SHROOM4: variants seen among roughly 807,000 people sequenced by gnomAD.
The protein encoded by SHROOM4 is shroom family member 4.
In SHROOM4, 17 loss-of-function variants were observed where a neutral mutation model predicts 80.3. The observed-to-expected ratio is 0.21, with a 90% CI of 0.14 to 0.32. The LOEUF is 0.32. Among genes scored for constraint, SHROOM4 ranks in the 10% least tolerant of loss-of-function variants. The pLI is 1.00. For missense variants in SHROOM4, 993 were observed against 1,140.3 expected (o/e 0.87, Z 1.86); for synonymous variants, 400 against 437.5 (o/e 0.91, Z 1.07).
chrX:50,639,647 C>T (rs1401709245), intron 2 of SHROOM4, among the ~76,000 whole-genome samples: 1 of 111,599 alleles, frequency 9.0e-6, no homozygotes, highest in African/African-American at 3.3e-5. Flanking sequence ...GATAAAGCAG[C>T]TCTCTACCTC....
chrX:50,808,050 G>A (rs1219420208), intron 1 of SHROOM4, among the ~76,000 whole-genome samples: 2 of 111,558 alleles, frequency 1.8e-5, no homozygotes, highest in Admixed American at 1.9e-4. Flanking sequence ...TGCATCATGA[G>A]TGGGAGGAGG....
At chrX:50,720,364 A>T (rs1310222235) in intron 1 of SHROOM4, among the ~76,000 whole-genome samples, 1 of 111,722 alleles carries the variant, frequency 9.0e-6, no homozygotes, top group East Asian at 2.8e-4. Flanking sequence ...AGACAGGTAA[A>T]CAGGCCCCAG....
intron 5 of SHROOM4, among the ~76,000 whole-genome samples, chrX:50,624,605 C>A (rs1557252704): frequency 1.0e-5 from 1 of 98,256 alleles, no homozygotes; most frequent in Non-Finnish European, 2.1e-5. Context: ...TGTTTTTTAT[C>A]TTTTTATCTT....
chrX:50,752,381 G>A (rs1422623651), intron 1 of SHROOM4, among the ~76,000 whole-genome samples: 2 of 111,658 alleles, frequency 1.8e-5, no homozygotes, highest in South Asian at 3.8e-4. Context: ...ATTTGAGATG[G>A]CCACCTGCCT....
chrX:50,595,775 T>C lies in SHROOM4; in HGVS notation c.*920A>G. The C allele has an allele frequency of 3.2e-6, 1 of 309,495 alleles. No individual in the cohort carries two copies. 25.5% of individuals were successfully genotyped at this position (309,495 alleles called of 1,213,427 possible). ...AACTTTTCCCTCTCCAACTTCCCTC[T>C]TCTCGCCTTATTAGTTAAAAAAGAA... On this transcript the variant is annotated 3_prime_UTR_variant, in exon 9 of 9. Transcript: ENST00000376020.
intron 1 of SHROOM4, among the ~76,000 whole-genome samples, chrX:50,807,641 T>A (rs1055480662): frequency 1.4e-4 from 16 of 112,001 alleles, no homozygotes; most frequent in African/African-American, 4.5e-4. Context: ...AACTTAATAA[T>A]CTCTTTGTTT....
At chrX:50,788,067 A>G (rs1441720780) in intron 1 of SHROOM4, among the ~76,000 whole-genome samples, 1 of 112,334 alleles carries the variant, frequency 8.9e-6, no homozygotes, top group African/African-American at 3.2e-5. Flanking sequence ...AGTGGTAGGT[A>G]AAACATTTTT....
chrX:50,771,766 C>T, intron 1 of SHROOM4, among the ~76,000 whole-genome samples: 1 of 112,090 alleles, frequency 8.9e-6, no homozygotes. Flanking sequence ...GATAAGTGTG[C>T]AAAGGTGTAC....
chrX:50,616,273 A>C (rs370246143), intron 5 of SHROOM4, among the ~76,000 whole-genome samples: 1 of 111,550 alleles, frequency 9.0e-6, no homozygotes, highest in South Asian at 3.8e-4. Context: ...TTGTAGAAAA[A>C]TAAGGTCAAC....
At chrX:50,749,190 T>C (rs1303276794) in intron 1 of SHROOM4, among the ~76,000 whole-genome samples, 1 of 111,902 alleles carries the variant, frequency 8.9e-6, no homozygotes, top group Non-Finnish European at 1.9e-5. Context: ...TCAGCGTGGG[T>C]GCCACAGTGA....
At chrX:50,792,286 G>A (rs1935869131) in intron 1 of SHROOM4, among the ~76,000 whole-genome samples, 1 of 111,679 alleles carries the variant, frequency 9.0e-6, no homozygotes, top group Non-Finnish European at 1.9e-5. Flanking sequence ...ATCACCCGAG[G>A]TCAGGAGTTC....
At chrX:50,693,078 T>C (rs1557262728) in intron 2 of SHROOM4, among the ~76,000 whole-genome samples, 3 of 110,849 alleles carry the variant, frequency 2.7e-5, no homozygotes, top group Admixed American at 9.6e-5. Flanking sequence ...GTCTGGAGCA[T>C]AGGAGATATA....
intron 2 of SHROOM4, among the ~76,000 whole-genome samples, chrX:50,651,999 T>C: frequency 8.9e-6 from 1 of 111,921 alleles, no homozygotes; most frequent in Non-Finnish European, 1.9e-5. Context: ...GCATTTGGGT[T>C]GGTTCCAAGT....
At chrX:50,729,470 TAA>T (rs1322570589) in intron 1 of SHROOM4, among the ~76,000 whole-genome samples, 1 of 109,874 alleles carries the variant, frequency 9.1e-6, no homozygotes, top group Admixed American at 9.7e-5. Context: ...CAGAAAAAAA[TAA>T]AGAGAAACAG....
chrX:50,627,593 A>G (rs28362301), intron 5 of SHROOM4, 21 bp downstream of exon 5: 37,892 of 1,197,537 alleles, frequency 0.032, 497 homozygotes, highest in Non-Finnish European at 0.038. Flanking sequence ...ACCCACCCCA[A>G]CTCCCTGAGC....
chrX:50,807,265 C>A (rs895349014), intron 1 of SHROOM4, among the ~76,000 whole-genome samples: 17 of 112,094 alleles, frequency 1.5e-4, no homozygotes, highest in African/African-American at 4.9e-4. Context: ...GATGCAAGAC[C>A]TCCAGCAGGA....
intron 7 of SHROOM4, 62 bp downstream of exon 7, chrX:50,602,571 C>A: frequency 9.0e-7 from 1 of 1,111,521 alleles, no homozygotes; most frequent in South Asian, 1.8e-5. Context: ...GAAGGCTGGT[C>A]ATCCTCCAGA....
chrX:50,791,180 C>CA (rs1447284135), intron 1 of SHROOM4, among the ~76,000 whole-genome samples: 2 of 110,156 alleles, frequency 1.8e-5, no homozygotes, highest in Admixed American at 1.9e-4. Context: ...TGTACTACCT[C>CA]AAAAAAATAA....
intron 2 of SHROOM4, among the ~76,000 whole-genome samples, chrX:50,667,103 A>C (rs1305208711): frequency 9.0e-6 from 1 of 111,560 alleles, no homozygotes; most frequent in Non-Finnish European, 1.9e-5. Context: ...GCTCTCACTC[A>C]GGATAGAAAC....
Sources: gnomAD v4.1 joint callset for allele counts (sites outside exome capture counted in the v4.1 genomes callset) on GRCh38, gnomAD v4.1.1 for gene constraint, MANE v1.5 for transcripts, NCBI Gene and HGNC (gene_info 2026-07-23, HGNC 2026-07-21) for gene names.